The following CCSER1 variants were observed in gnomAD, a reference collection of about 807,000 sequenced individuals.
The protein encoded by CCSER1 is coiled-coil serine rich protein 1.
CCSER1 carries 41 observed loss-of-function variants against 82.0 expected under a neutral mutation model. The ratio of observed to expected loss-of-function variants is 0.50; its 90% CI spans 0.39 to 0.65. The LOEUF (loss-of-function observed/expected upper bound fraction) is 0.65, where lower values mean the gene tolerates loss of function less well. CCSER1 is among the 30% of genes least tolerant of loss of function. The pLI is 0.00. For missense variants in CCSER1, 1,119 were observed against 1,064.2 expected, an observed-to-expected ratio of 1.05 and a Z score of -0.72; for synonymous variants, 414 against 383.9, an observed-to-expected ratio of 1.08 and a Z score of -0.92.
intron 10 of CCSER1, among the ~76,000 whole-genome samples, chr4:91,265,015 G>A (rs1016775479): frequency 5.3e-5 from 8 of 151,892 alleles, no homozygotes; most frequent in South Asian, 2.1e-4. Flanking sequence ...AGCATTCATT[G>A]TGTATAAAGA....
chr4:91,225,330 ATATTATATATGTAATATATAT>A (rs1738087492), intron 10 of CCSER1, among the ~76,000 whole-genome samples: 1 of 129,656 alleles, frequency 7.7e-6, no homozygotes, highest in African/African-American at 3.2e-5. Flanking sequence ...ATATGTATAT[ATATTATATATGTAATATATAT>A]GTATATATAT....
chr4:91,161,243 T>TTTAG (rs1396865550), intron 10 of CCSER1, among the ~76,000 whole-genome samples: 1 of 152,144 alleles, frequency 6.6e-6, no homozygotes, highest in Non-Finnish European at 1.5e-5. Flanking sequence ...AAGGCCTCTG[T>TTTAG]TTAGTTGCAT....
intron 4 of CCSER1, among the ~76,000 whole-genome samples, chr4:90,438,951 A>G (rs1238523953): frequency 6.6e-6 from 1 of 152,130 alleles, no homozygotes; most frequent in South Asian, 2.1e-4. Context: ...TTTTTATACT[A>G]TTTGTGATTT....
chr4:91,538,698 C>CAAATATTATGTATATATATATATATAT (rs1553952270), intron 10 of CCSER1, among the ~76,000 whole-genome samples: 7 of 138,340 alleles, frequency 5.1e-5, no homozygotes, highest in African/African-American at 1.9e-4. Context: ...TATATATACA[C>CAAATATTATGTATATATATATATATAT]ATATATATAT....
chr4:91,236,036 T>TTTTC (rs57818163), intron 10 of CCSER1, among the ~76,000 whole-genome samples: 1 of 151,288 alleles, frequency 6.6e-6, no homozygotes, highest in Non-Finnish European at 1.5e-5. Flanking sequence ...AATTTTTTAT[T>TTTTC]AAAATCATAT....
intron 8 of CCSER1, among the ~76,000 whole-genome samples, chr4:90,904,746 T>C (rs759174065): frequency 1.2e-4 from 18 of 152,112 alleles, no homozygotes; most frequent in Non-Finnish European, 1.5e-5. Context: ...CTTGTGTTCT[T>C]AGCCCAGATA....
chr4:90,351,392 T>TG (rs1159330067), intron 3 of CCSER1, among the ~76,000 whole-genome samples: 1 of 152,116 alleles, frequency 6.6e-6, no homozygotes, highest in African/African-American at 2.4e-5. Context: ...AGTCAAAATA[T>TG]GAAGCCATGA....
chr4:90,847,700 A>G lies in CCSER1; in HGVS notation c.2094+31855A>G, dbSNP rs1295513629. Among the ~76,000 whole-genome samples the G allele has an allele frequency of 2.6e-5, 4 of 152,214 alleles. No homozygotes were observed. In the South Asian group the frequency reaches 6.2e-4, roughly 24 times the overall value. On this transcript the variant is annotated intron_variant, in intron 8 of 10. Coordinates refer to ENST00000509176, the MANE Select transcript of CCSER1 (RefSeq NM_001145065.2). Reference sequence around the variant, plus strand: ...AAGAGAAAAAAAGGAAAAAGTCGCAAATAATCCAGAAAACAATATAAAAAT... The same window carrying G: ...AAGAGAAAAAAAGGAAAAAGTCGCAGATAATCCAGAAAACAATATAAAAAT...
At chr4:90,657,150 C>G (rs771575375) in intron 6 of CCSER1, among the ~76,000 whole-genome samples, 11 of 152,052 alleles carry the variant, frequency 7.2e-5, no homozygotes, top group Non-Finnish European at 1.5e-4. Flanking sequence ...TTCCCTCTCT[C>G]TCTGTCTCCC....
chr4:91,330,278 GA>G (rs1166182627), intron 10 of CCSER1, among the ~76,000 whole-genome samples: 1 of 152,056 alleles, frequency 6.6e-6, no homozygotes. Context: ...GGAGGTAGTA[GA>G]AAAATGGGAT....
At chr4:90,718,609 T>G (rs1384875088) in intron 6 of CCSER1, among the ~76,000 whole-genome samples, 1 of 152,130 alleles carries the variant, frequency 6.6e-6, no homozygotes, top group East Asian at 1.9e-4. Flanking sequence ...ACTTAATAGA[T>G]TAAAGATTCT....
chr4:90,202,754 G>C (rs143320423), intron 1 of CCSER1, among the ~76,000 whole-genome samples: 1 of 152,298 alleles, frequency 6.6e-6, no homozygotes, highest in Non-Finnish European at 1.5e-5. Flanking sequence ...TGGCAAGTCC[G>C]TCACATTTAG....
In CCSER1 at chr4:90,132,279, C is replaced by T. The variant is rs569460897; in HGVS notation, c.-42+4448C>T. ...GTGTATCATTTCGATAATGTAATCTCGTCCACTGTATGACTGACAGCTTCT... is the reference window on the plus strand; with the variant it reads ...GTGTATCATTTCGATAATGTAATCTTGTCCACTGTATGACTGACAGCTTCT... On this transcript the variant is annotated intron_variant, in intron 1 of 10. Transcript: ENST00000509176. 8.5e-5 allele frequency among the ~76,000 whole-genome samples: 13 copies of T among 152,262 alleles called. 1 individual carries two copies. In the South Asian group the frequency reaches 1.5e-3, roughly 17 times the overall value.
rs576327065 is a variant in CCSER1, at chr4:90,518,978, T to G, written c.1724+50624T>G. Among the ~76,000 whole-genome samples, 15 of 152,056 alleles carry G rather than the reference T, an allele frequency of 9.9e-5. No individual in the cohort carries two copies. The South Asian group carries it at 2.9e-3, about 29-fold the overall frequency. The stretch of plus-strand genomic sequence containing the variant: ...TTGTTTCCAATAAATACTATATCTT[T>G]CTACTTAACATAGGATGATAAGTAG... On this transcript the variant is annotated intron_variant, in intron 5 of 10. Transcript: ENST00000509176.
At chr4:90,374,378 T>C (rs1250069818) in intron 3 of CCSER1, among the ~76,000 whole-genome samples, 2 of 152,176 alleles carry the variant, frequency 1.3e-5, no homozygotes, top group Non-Finnish European at 2.9e-5. Flanking sequence ...TGAACAGTGC[T>C]GGACTTGTTG....
intron 10 of CCSER1, among the ~76,000 whole-genome samples, chr4:91,298,134 GA>G (rs1170089233): frequency 5.9e-5 from 9 of 152,068 alleles, no homozygotes; most frequent in Non-Finnish European, 8.8e-5. Flanking sequence ...GTGATTATGA[GA>G]TACAGTAAAG....
chr4:91,540,609 T>C (rs367891000), intron 10 of CCSER1, among the ~76,000 whole-genome samples: 2 of 152,166 alleles, frequency 1.3e-5, no homozygotes, highest in African/African-American at 4.8e-5. Context: ...CTTTAGTGTA[T>C]CTAAAAAGTC....
chr4:90,943,416 A>G (rs1731827198), intron 9 of CCSER1, among the ~76,000 whole-genome samples: 2 of 152,188 alleles, frequency 1.3e-5, no homozygotes, highest in East Asian at 1.9e-4. Flanking sequence ...TAGCTACATG[A>G]ATTTTAAGAA....
intron 10 of CCSER1, among the ~76,000 whole-genome samples, chr4:91,284,778 TA>T (rs1418422554): frequency 6.6e-6 from 1 of 152,054 alleles, no homozygotes; most frequent in Non-Finnish European, 1.5e-5. Flanking sequence ...AATATGATGT[TA>T]AAGGTGATTC....
Sources: allele counts gnomAD v4.1 joint callset (sites outside exome capture counted in the v4.1 genomes callset), GRCh38; gene constraint gnomAD v4.1.1; transcripts MANE v1.5; gene names NCBI Gene and HGNC (gene_info 2026-07-23, HGNC 2026-07-21).